TBC1D31: variants seen among roughly 807,000 people sequenced by gnomAD.
TBC1D31 encodes the protein WD repeat domain 67.
A neutral mutation model predicts 132.9 loss-of-function variants in TBC1D31; 99 were observed. That is an observed-to-expected ratio of 0.74 (90% confidence interval 0.63 to 0.88). The LOEUF is 0.88. Among genes scored for constraint, TBC1D31 ranks in the 40% least tolerant of loss-of-function variants. The probability of loss-of-function intolerance (pLI) is 0.00; values close to 1 mark genes in which losing one functional copy is unlikely to be tolerated. For synonymous variants in TBC1D31, 385 were observed against 419.4 expected (o/e 0.92, Z 1.00); for missense variants, 1,134 against 1,256.6 (o/e 0.90, Z 1.48).
intron 8 of TBC1D31, among the ~76,000 whole-genome samples, chr8:123,106,778 A>T (rs144089523): frequency 2.0e-5 from 3 of 152,214 alleles, no homozygotes; most frequent in Non-Finnish European, 2.9e-5. Flanking sequence ...CTTAGGTTTG[A>T]TGATTTATTA....
chr8:123,079,669 A>G (rs1814933835), intron 2 of TBC1D31, among the ~76,000 whole-genome samples: 1 of 152,156 alleles, frequency 6.6e-6, no homozygotes, highest in South Asian at 2.1e-4. Context: ...AACGTTTCCT[A>G]TTCTCCACCA....
intron 1 of TBC1D31, among the ~76,000 whole-genome samples, chr8:123,073,947 A>G (rs953985370): frequency 2.0e-5 from 3 of 151,944 alleles, no homozygotes; most frequent in Non-Finnish European, 2.9e-5. Flanking sequence ...CAGTCTCCCA[A>G]CGTGCAGGGA....
chr8:123,075,969 A>G (rs1814467437), intron 1 of TBC1D31, among the ~76,000 whole-genome samples: 1 of 152,246 alleles, frequency 6.6e-6, no homozygotes. Flanking sequence ...TTATGAAAAT[A>G]GTATGTAATC....
chr8:123,111,091 G>GT (rs143158206), intron 10 of TBC1D31, among the ~76,000 whole-genome samples: 1,645 of 149,706 alleles, frequency 0.011, 13 homozygotes, highest in Non-Finnish European at 0.017. Context: ...CTGAGTCAAG[G>GT]TTTTTTTTTT....
rs755139839 is a variant in TBC1D31 at position 123,151,762 on chromosome 8, A to G, written c.3068-44A>G. Reference sequence around the variant, plus strand: ...AAATAAATGCTGTATCACCGCTAACATCAGAAAACTCAGCTTTTCTAAATT... The same window carrying G: ...AAATAAATGCTGTATCACCGCTAACGTCAGAAAACTCAGCTTTTCTAAATT... On this transcript the variant is annotated intron_variant, in intron 21 of 21. Transcript: ENST00000287380. 11 of 1,523,020 alleles carry G rather than the reference A, an allele frequency of 7.2e-6. No individual in the cohort carries two copies. The South Asian group carries it at 1.2e-4, about 17-fold the overall frequency. 94.3% of individuals were successfully genotyped at this position (1,523,020 alleles called of 1,614,324 possible).
intron 8 of TBC1D31, among the ~76,000 whole-genome samples, chr8:123,106,238 AC>A (rs1412398352): frequency 6.6e-6 from 1 of 152,154 alleles, no homozygotes; most frequent in Non-Finnish European, 1.5e-5. Context: ...TAAATTGCAC[AC>A]CGTTCTGAGT....
At position 123,082,757 on chromosome 8, in the gene TBC1D31, C is replaced by A. The variant is rs375186187; in HGVS notation, c.280C>A (p.Arg94Ser). 39 of 1,613,318 alleles carry A rather than the reference C, an allele frequency of 2.4e-5. 1 individual carries two copies. The South Asian group carries it at 4.2e-4, about 17-fold the overall frequency. Residue 94 changes from arginine to serine, a missense_variant, in exon 3 of 22, where the codon CGT (arginine) becomes AGT (serine). Arg to Ser is a moderately radical substitution (Grantham distance 110). Coordinates refer to ENST00000287380, the MANE Select transcript of TBC1D31 (RefSeq NM_145647.4). ...TTGCACAGCTCTGGCCTTTAATCTT[C>A]GTAGGAAATCTGAATTCCTTGTGGC... ...QACTALAFNL[R>S]RKSEFLVALA...
chr8:123,093,103 C>T (rs1816503756), intron 4 of TBC1D31, among the ~76,000 whole-genome samples: 2 of 151,992 alleles, frequency 1.3e-5, no homozygotes, highest in African/African-American at 2.4e-5. Context: ...TGAGTCACTG[C>T]GCCTGGCCTA....
At chr8:123,093,522 G>A in intron 4 of TBC1D31, 69 bp from the exon 5 acceptor site, 1 of 1,081,540 alleles carries the variant, frequency 9.2e-7, no homozygotes, top group Non-Finnish European at 1.3e-6. Context: ...TAGACTACTT[G>A]TATAATTTTA....
At chr8:123,144,656 C>A in intron 19 of TBC1D31, 61 bp from the exon 20 acceptor site, 1 of 1,479,812 alleles carries the variant, frequency 6.8e-7, no homozygotes, top group South Asian at 1.3e-5. Flanking sequence ...GCTCATTCCA[C>A]TGTGAAATGT....
chr8:123,157,232 C>T, the TBC1D31 span, among the ~76,000 whole-genome samples: 5 of 152,186 alleles, frequency 3.3e-5, no homozygotes, highest in African/African-American at 7.2e-5. Flanking sequence ...AATTATTGTG[C>T]CCCGTGTGAG....
chr8:123,136,253 G>A (rs1309827750), intron 17 of TBC1D31, among the ~76,000 whole-genome samples: 2 of 152,088 alleles, frequency 1.3e-5, no homozygotes, highest in African/African-American at 4.8e-5. Flanking sequence ...CCATTGTTTT[G>A]TTGTTGTCAC....
chr8:123,074,342 A>G (rs1814259007), intron 1 of TBC1D31, among the ~76,000 whole-genome samples: 1 of 152,066 alleles, frequency 6.6e-6, no homozygotes, highest in South Asian at 2.1e-4. Context: ...TTAAGTGCCT[A>G]CTCTGTATAT....
the TBC1D31 span, among the ~76,000 whole-genome samples, chr8:123,158,736 T>A: frequency 6.6e-6 from 1 of 151,864 alleles, no homozygotes; most frequent in Non-Finnish European, 1.5e-5. Flanking sequence ...GGCACCACAA[T>A]TGCTGAGGAT....
At position 123,142,379 on chromosome 8, in the gene TBC1D31, G is replaced by C; in HGVS notation, c.2758G>C (p.Val920Leu). 1.2e-6 allele frequency: 2 copies of C among 1,608,536 alleles called. No individual in the cohort carries two copies. Among genetic ancestry groups the C allele is most frequent in the Non-Finnish European group, 1.7e-6 (2 of 1,177,806 alleles). Residue 920 changes from valine to leucine, a missense_variant, in exon 19 of 22, where the codon GTA becomes CTA. By Grantham distance (32) the Val-to-Leu change is conservative. Coordinates refer to ENST00000287380, the MANE Select transcript of TBC1D31 (RefSeq NM_145647.4). The stretch of plus-strand genomic sequence containing the variant: ...ACAACGAAACAAATGTTACCAGGAA[G>C]TAGCCAAACTCCTTAGGGAAAACAG... ...DLQRNKCYQE[V>L]AKLLRENRRK...
chr8:123,080,387 G>A (rs961309548), intron 2 of TBC1D31, among the ~76,000 whole-genome samples: 6 of 152,116 alleles, frequency 3.9e-5, no homozygotes, highest in African/African-American at 1.4e-4. Context: ...TTTTCAGGGT[G>A]ATAAAGATCT....
At chr8:123,077,533 A>ATTTTTTTTTTTTTTTTTTTTTTTTT (rs33948089) in intron 2 of TBC1D31, among the ~76,000 whole-genome samples, 1 of 143,482 alleles carries the variant, frequency 7.0e-6, no homozygotes, top group Non-Finnish European at 1.5e-5. Flanking sequence ...ATTATTGCTA[A>ATTTTTTTTTTTTTTTTTTTTTTTTT]TTTTTTTTTT....
intron 6 of TBC1D31, among the ~76,000 whole-genome samples, chr8:123,100,369 A>T (rs771579691): frequency 6.6e-6 from 1 of 152,144 alleles, no homozygotes; most frequent in Non-Finnish European, 1.5e-5. Flanking sequence ...TGACATCAGG[A>T]GTTCGAGAGC....
At chr8:123,149,642 A>G (rs1822583442) in intron 20 of TBC1D31, among the ~76,000 whole-genome samples, 1 of 152,158 alleles carries the variant, frequency 6.6e-6, no homozygotes, top group African/African-American at 2.4e-5. Context: ...GGTTCGGGTA[A>G]AACTTGCCTA....
Sources: gnomAD v4.1 joint callset for allele counts (sites outside exome capture counted in the v4.1 genomes callset) on GRCh38, gnomAD v4.1.1 for gene constraint, MANE v1.5 for transcripts, NCBI Gene and HGNC (gene_info 2026-07-23, HGNC 2026-07-21) for gene names.